Variants in ZFAT observed in about 807,000 individuals in gnomAD.
The protein encoded by ZFAT is zinc finger and AT-hook domain containing.
ZFAT carries 64 observed loss-of-function variants against 117.7 expected under a neutral mutation model. The observed-to-expected ratio is 0.54, with a 90% CI of 0.44 to 0.67. The LOEUF is 0.67. Ranked by LOEUF, ZFAT falls within the 30% of genes least tolerant of loss-of-function variation. The pLI, the probability that ZFAT is intolerant of heterozygous loss-of-function variation, is 0.00. For synonymous variants in ZFAT, 679 were observed against 615.0 expected (o/e 1.10, Z -1.54); for missense variants, 1,433 against 1,584.5 (o/e 0.90, Z 1.62).
the ZFAT span, among the ~76,000 whole-genome samples, chr8:134,750,893 T>C: frequency 1.3e-5 from 2 of 152,272 alleles, no homozygotes; most frequent in African/African-American, 4.8e-5. Flanking sequence ...TTTATGTTGA[T>C]GTTTTATCAA....
At chr8:134,585,953 C>T (rs538391148) in intron 9 of ZFAT, among the ~76,000 whole-genome samples, 3 of 152,266 alleles carry the variant, frequency 2.0e-5, no homozygotes, top group South Asian at 2.1e-4. Context: ...CAATCAATAC[C>T]TGTGTTTTCT....
the ZFAT span, among the ~76,000 whole-genome samples, chr8:134,820,360 T>C: frequency 6.6e-6 from 1 of 152,208 alleles, no homozygotes; most frequent in Non-Finnish European, 1.5e-5. Flanking sequence ...CAATAACCTG[T>C]GGAAATGTAA....
intron 3 of ZFAT, among the ~76,000 whole-genome samples, chr8:134,615,499 T>G (rs1210339292): frequency 1.3e-5 from 2 of 152,112 alleles, no homozygotes; most frequent in South Asian, 4.2e-4. Context: ...CATGGCAACA[T>G]CTTGAGAGTC....
At chr8:134,648,335 T>G (rs148525105) in intron 2 of ZFAT, among the ~76,000 whole-genome samples, 7 of 151,196 alleles carry the variant, frequency 4.6e-5, no homozygotes, top group Admixed American at 1.3e-4. Flanking sequence ...TGGAAAGAGA[T>G]TATATAAAAT....
At chr8:134,559,863 TG>T (rs1823926259) in intron 11 of ZFAT, among the ~76,000 whole-genome samples, 1 of 152,232 alleles carries the variant, frequency 6.6e-6, no homozygotes, top group African/African-American at 2.4e-5. Context: ...ATTTTTCAAC[TG>T]GGTTACTGGT....
chr8:134,510,000 T>C, intron 14 of ZFAT: 1 of 510,906 alleles, frequency 2.0e-6, no homozygotes, highest in Non-Finnish European at 3.8e-6. Context: ...TATTTGCATT[T>C]TGTAGAAGCC....
chr8:134,495,515 T>C (rs1411958078), intron 15 of ZFAT, among the ~76,000 whole-genome samples: 1 of 152,212 alleles, frequency 6.6e-6, no homozygotes, highest in African/African-American at 2.4e-5. Flanking sequence ...TCTAAGGGAA[T>C]TACTCACAAT....
intron 11 of ZFAT, among the ~76,000 whole-genome samples, chr8:134,549,486 C>T (rs1189081458): frequency 6.6e-6 from 1 of 151,132 alleles, no homozygotes; most frequent in Non-Finnish European, 1.5e-5. Flanking sequence ...AATACGAGTT[C>T]ATCCCCAGAG....
At chr8:134,533,825 A>G (rs2130573244) in intron 11 of ZFAT, among the ~76,000 whole-genome samples, 1 of 152,354 alleles carries the variant, frequency 6.6e-6, no homozygotes, top group East Asian at 1.9e-4. Flanking sequence ...GGGGAAGCTC[A>G]GTGAGACCTG....
the ZFAT span, among the ~76,000 whole-genome samples, chr8:134,730,864 A>C: frequency 1.3e-5 from 2 of 152,236 alleles, no homozygotes; most frequent in Non-Finnish European, 2.9e-5. Flanking sequence ...TTCCTGGGGA[A>C]GATAGCATTC....
At chr8:134,825,044 C>A in the ZFAT span, among the ~76,000 whole-genome samples, 1 of 152,184 alleles carries the variant, frequency 6.6e-6, no homozygotes, top group Non-Finnish European at 1.5e-5. Flanking sequence ...GGTGTCTATT[C>A]TTCCACCTTA....
At chr8:134,735,541 T>A in the ZFAT span, among the ~76,000 whole-genome samples, 1 of 152,232 alleles carries the variant, frequency 6.6e-6, no homozygotes, top group Non-Finnish European at 1.5e-5. Context: ...AAAACAGCAG[T>A]TCCAACTGGC....
At chr8:134,495,876 G>A (rs1818398807) in intron 15 of ZFAT, among the ~76,000 whole-genome samples, 2 of 152,080 alleles carry the variant, frequency 1.3e-5, no homozygotes, top group Non-Finnish European at 2.9e-5. Context: ...GCTGCAGTGA[G>A]CCATAATCAC....
the ZFAT span, among the ~76,000 whole-genome samples, chr8:134,809,747 G>A: frequency 6.6e-6 from 1 of 152,204 alleles, no homozygotes; most frequent in Admixed American, 6.5e-5. Flanking sequence ...GAGGGGAGGT[G>A]AAGTGGGACA....
chr8:134,530,525 TCTC>T (rs370049579), intron 12 of ZFAT, among the ~76,000 whole-genome samples: 190 of 152,330 alleles, frequency 1.2e-3, no homozygotes, highest in Middle Eastern at 6.8e-3. Flanking sequence ...CAGAGACTGT[TCTC>T]CTGCCAGAGC....
chr8:134,820,464 A>G, the ZFAT span, among the ~76,000 whole-genome samples: 1 of 152,242 alleles, frequency 6.6e-6, no homozygotes, highest in Admixed American at 6.5e-5. Context: ...CATCGCTTGA[A>G]CTATATTCTG....
At position 134,653,364 on chromosome 8, in the gene ZFAT, C is replaced by T. The variant is rs912269565; in HGVS notation, c.196+4197G>A. Among the ~76,000 whole-genome samples the T allele has an allele frequency of 2.0e-4, 28 of 141,062 alleles. 1 individual carries two copies. Among genetic ancestry groups the T allele is most frequent in the African/African-American group, 6.5e-4 (25 of 38,520 alleles). 92.5% of individuals were successfully genotyped at this position (141,062 alleles called of 152,430 possible). On this transcript the variant is annotated intron_variant, in intron 2 of 15. Transcript: ENST00000377838. ...CAATCACAGCTCACTGTAGCCTCAA[C>T]ATCCTGGCTCAGCCTCCTGAGTACC...
chr8:134,680,403 CTT>C (rs753153364), intron 1 of ZFAT, among the ~76,000 whole-genome samples: 1 of 151,490 alleles, frequency 6.6e-6, no homozygotes, highest in Non-Finnish European at 1.5e-5. Flanking sequence ...TAAAAAGAAA[CTT>C]TGTGCTACTT....
At chr8:134,729,250 C>T in the ZFAT span, among the ~76,000 whole-genome samples, 1 of 152,252 alleles carries the variant, frequency 6.6e-6, no homozygotes, top group South Asian at 2.1e-4. Context: ...CTGGGACCCT[C>T]ATTCCCAGGC....
Sources: gnomAD v4.1 joint callset for allele counts (sites outside exome capture counted in the v4.1 genomes callset) on GRCh38, gnomAD v4.1.1 for gene constraint, MANE v1.5 for transcripts, NCBI Gene and HGNC (gene_info 2026-07-23, HGNC 2026-07-21) for gene names.